Variants in ADAMTS16 observed in about 807,000 individuals in gnomAD.
ADAMTS16 encodes the protein A disintegrin and metalloproteinase with thrombospondin motifs 16.
A neutral mutation model predicts 145.8 loss-of-function variants in ADAMTS16; 94 were observed. The ratio of observed to expected loss-of-function variants is 0.64; its 90% CI spans 0.55 to 0.77. The LOEUF (loss-of-function observed/expected upper bound fraction) is 0.77, where lower values mean the gene tolerates loss of function less well. ADAMTS16 is among the 30% of genes least tolerant of loss of function. ADAMTS16 has a pLI of 0.00. For synonymous variants in ADAMTS16, 659 were observed against 604.3 expected (o/e 1.09, Z -1.33); for missense variants, 1,585 against 1,591.5 (o/e 1.00, Z 0.07).
chr5:5,230,696 A>G (rs79920803), intron 11 of ADAMTS16, among the ~76,000 whole-genome samples: 1 of 152,240 alleles, frequency 6.6e-6, no homozygotes, highest in Non-Finnish European at 1.5e-5. Context: ...TACCATGTCA[A>G]TACGCCTTTC....
intron 9 of ADAMTS16, among the ~76,000 whole-genome samples, chr5:5,200,610 T>C (rs1418908488): frequency 6.6e-6 from 1 of 152,242 alleles, no homozygotes. Context: ...AGATCGTACA[T>C]GTACACATCT....
intron 3 of ADAMTS16, among the ~76,000 whole-genome samples, chr5:5,172,173 T>A (rs961006032): frequency 6.6e-6 from 1 of 152,096 alleles, no homozygotes; most frequent in Non-Finnish European, 1.5e-5. Context: ...GTTCATCAAT[T>A]TTGTTTAACT....
At chr5:5,181,313 C>T (rs2126558634) in intron 3 of ADAMTS16, among the ~76,000 whole-genome samples, 1 of 152,306 alleles carries the variant, frequency 6.6e-6, no homozygotes, top group South Asian at 2.1e-4. Flanking sequence ...TGCTTGTCCT[C>T]ATGCTCACCA....
intron 18 of ADAMTS16, among the ~76,000 whole-genome samples, chr5:5,281,295 G>A (rs10512779): frequency 0.22 from 33,172 of 152,018 alleles, 4,002 homozygotes; most frequent in Admixed American, 0.37. Flanking sequence ...AGATAATAGC[G>A]CTTATGATGA....
At chr5:5,287,412 C>CTT (rs1395918220) in intron 18 of ADAMTS16, among the ~76,000 whole-genome samples, 2 of 152,166 alleles carry the variant, frequency 1.3e-5, no homozygotes, top group Non-Finnish European at 2.9e-5. Context: ...CATTTCAACT[C>CTT]TTCACTTTTC....
At position 5,239,254 on chromosome 5, in the gene ADAMTS16, C is replaced by T. The variant is rs1304602687; in HGVS notation, c.2258C>T (p.Thr753Ile). 6.3e-6 allele frequency: 10 copies of T among 1,585,108 alleles called. No homozygotes were observed. Among genetic ancestry groups the T allele is most frequent in the Non-Finnish European group, 8.6e-6 (10 of 1,168,404 alleles). ...SACTIHRGLY[T>I]KHHHTNQYYH... The stretch of plus-strand genomic sequence containing the variant: ...TGCACGATTCACAGGGGTCTCTACA[C>T]CAAGCACCACCACACCAACCGTGAG... Residue 753 changes from threonine (T) to isoleucine (I), a missense_variant, in exon 15 of 23, where the codon ACC becomes ATC. Thr to Ile is a moderately conservative substitution (Grantham distance 89, BLOSUM62 -1). Coordinates refer to ENST00000274181, the MANE Select transcript of ADAMTS16 (RefSeq NM_139056.4).
intron 3 of ADAMTS16, among the ~76,000 whole-genome samples, chr5:5,165,491 T>A (rs1430153355): frequency 6.6e-6 from 1 of 152,088 alleles, no homozygotes; most frequent in Non-Finnish European, 1.5e-5. Flanking sequence ...TAGTAGGTGG[T>A]TAATAAGTGA....
At chr5:5,184,569 C>T (rs1735444637) in intron 4 of ADAMTS16, among the ~76,000 whole-genome samples, 1 of 152,036 alleles carries the variant, frequency 6.6e-6, no homozygotes, top group African/African-American at 2.4e-5. Context: ...TCTGTGTTCA[C>T]TTAGGCATTT....
At chr5:5,235,370 A>G (rs1053800719) in intron 13 of ADAMTS16, among the ~76,000 whole-genome samples, 184 bp downstream of exon 13, 1 of 152,200 alleles carries the variant, frequency 6.6e-6, no homozygotes, top group African/African-American at 2.4e-5. Context: ...CCTCTTATCT[A>G]AACTTCACCA....
intron 16 of ADAMTS16, 121 bp from the exon 17 acceptor site, chr5:5,241,923 GAATGTATTT>G: frequency 9.1e-7 from 1 of 1,102,818 alleles, no homozygotes; most frequent in Non-Finnish European, 1.3e-6. Context: ...ATGATAGTCT[GAATGTATTT>G]TATCATCATA....
intron 3 of ADAMTS16, among the ~76,000 whole-genome samples, chr5:5,157,922 T>C (rs1011215887): frequency 1.2e-4 from 18 of 152,210 alleles, no homozygotes; most frequent in African/African-American, 4.3e-4. Flanking sequence ...ACCAACTTTT[T>C]GTAAGTTCCA....
At chr5:5,206,432 A>AAAT (rs1736120529) in intron 9 of ADAMTS16, among the ~76,000 whole-genome samples, 1 of 148,178 alleles carries the variant, frequency 6.7e-6, no homozygotes, top group African/African-American at 2.5e-5. Flanking sequence ...TCTCAAAAAA[A>AAAT]AAAAAAAAAA....
At chr5:5,282,894 A>C (rs1186577879) in intron 18 of ADAMTS16, among the ~76,000 whole-genome samples, 2 of 151,922 alleles carry the variant, frequency 1.3e-5, no homozygotes, top group Non-Finnish European at 2.9e-5. Flanking sequence ...AGGGGAATAT[A>C]AGTGTAGTTA....
Position 5,303,756 on chromosome 5 carries a change from C to A in ADAMTS16, c.3176C>A (p.Ala1059Asp). 6.2e-7 allele frequency: 1 copy of A among 1,612,856 alleles called. No individual in the cohort carries two copies. Among genetic ancestry groups the A allele is most frequent in the Non-Finnish European group, 8.5e-7 (1 of 1,179,904 alleles). The change falls in exon 20 of 23, where the codon GCC (alanine) becomes GAC (aspartate). Residue 1059 changes from alanine to aspartate, a missense_variant. Physicochemically the swap from Ala to Asp is moderately radical, Grantham distance 126. This residue lies in a region of ADAMTS16 where 834 missense variants were observed against 811.7 expected (regional missense o/e 1.03). Coordinates refer to ENST00000274181, the MANE Select transcript of ADAMTS16 (RefSeq NM_139056.4). ...AAGAAGCTGCAGTGGCTGGTGTCCG[C>A]CTGGTCCCAGGTAGGTGCACTGGTC... ...KPKKLQWLVS[A>D]WSQCSVTCER...
intron 10 of ADAMTS16, among the ~76,000 whole-genome samples, chr5:5,219,703 G>C (rs1736537969): frequency 6.6e-6 from 1 of 152,178 alleles, no homozygotes; most frequent in Non-Finnish European, 1.5e-5. Context: ...GTTGGGGATT[G>C]AGCAGGTCCC....
intron 11 of ADAMTS16, among the ~76,000 whole-genome samples, chr5:5,231,465 GCT>G (rs1219958968): frequency 1.3e-5 from 2 of 151,456 alleles, no homozygotes; most frequent in East Asian, 1.9e-4. Context: ...AAATCTAGTG[GCT>G]CTAATCTTGG....
chr5:5,161,665 C>T (rs1053828982), intron 3 of ADAMTS16, among the ~76,000 whole-genome samples: 5 of 152,200 alleles, frequency 3.3e-5, no homozygotes, highest in Admixed American at 2.0e-4. Flanking sequence ...CTTCCATTCA[C>T]AGGTCCTTTC....
At chr5:5,223,930 G>A (rs1736679522) in intron 11 of ADAMTS16, among the ~76,000 whole-genome samples, 1 of 151,284 alleles carries the variant, frequency 6.6e-6, no homozygotes, top group Admixed American at 6.6e-5. Context: ...GTTTGAACAT[G>A]CCTAAATATC....
intron 17 of ADAMTS16, among the ~76,000 whole-genome samples, chr5:5,257,245 G>A (rs1004181042): frequency 3.3e-5 from 5 of 151,948 alleles, no homozygotes; most frequent in South Asian, 2.1e-4. Context: ...ATGTTTGGGG[G>A]GATAAGTATT....
Sources: gnomAD v4.1 joint callset for allele counts (sites outside exome capture counted in the v4.1 genomes callset) on GRCh38, gnomAD v4.1.1 for gene constraint, gnomAD v4.1.1 regional missense constraint, MANE v1.5 for transcripts, NCBI Gene and HGNC (gene_info 2026-07-23, HGNC 2026-07-21) for gene names.